The following DDC variants were observed in gnomAD, a reference collection of about 807,000 sequenced individuals.
DDC encodes the protein dopa decarboxylase, also known as aromatic-L-amino-acid decarboxylase.
DDC carries 43 observed loss-of-function variants against 60.0 expected under a neutral mutation model. The observed-to-expected ratio is 0.72, with a 90% confidence interval of 0.56 to 0.92. The LOEUF is 0.92. Ranked by LOEUF, DDC falls within the 40% of genes least tolerant of loss-of-function variation. The pLI is 0.00. For synonymous variants in DDC, 232 were observed against 234.6 expected (o/e 0.99, Z 0.10); for missense variants, 573 against 620.2 (o/e 0.92, Z 0.81).
chr7:50,484,878 A>G (rs2042848887), intron 9 of DDC, among the ~76,000 whole-genome samples: 1 of 152,218 alleles, frequency 6.6e-6, no homozygotes, highest in South Asian at 2.1e-4. Context: ...ATGAGCACTC[A>G]CATGACCTCC....
chr7:50,560,340 T>C (rs1024161198), intron 1 of DDC, among the ~76,000 whole-genome samples: 1 of 152,146 alleles, frequency 6.6e-6, no homozygotes, highest in Non-Finnish European at 1.5e-5. Context: ...GCTTGGAAAC[T>C]GAAGAAAACA....
At chr7:50,534,563 C>T (rs2044328532) in intron 4 of DDC, among the ~76,000 whole-genome samples, 1 of 151,684 alleles carries the variant, frequency 6.6e-6, no homozygotes, top group Admixed American at 6.6e-5. Context: ...TGCCACTGCA[C>T]TCCAGCCTGG....
chr7:50,556,188 C>A (rs1281078598), intron 1 of DDC, among the ~76,000 whole-genome samples: 1 of 152,156 alleles, frequency 6.6e-6, no homozygotes, highest in East Asian at 1.9e-4. Context: ...TCCCTTTGGG[C>A]TACTATAAAA....
intron 9 of DDC, among the ~76,000 whole-genome samples, chr7:50,494,053 C>T (rs1166571331): frequency 1.3e-5 from 2 of 152,192 alleles, no homozygotes. Flanking sequence ...CAATCAACTT[C>T]TTACTTTAAA....
intron 4 of DDC, among the ~76,000 whole-genome samples, chr7:50,534,512 G>A (rs951181539): frequency 1.3e-5 from 2 of 152,066 alleles, no homozygotes; most frequent in African/African-American, 4.8e-5. Context: ...GCAGGAGAAT[G>A]GCTTGAACCG....
chr7:50,498,154 G>A (rs551025059), intron 8 of DDC, among the ~76,000 whole-genome samples: 2 of 152,336 alleles, frequency 1.3e-5, no homozygotes, highest in Admixed American at 1.3e-4. Flanking sequence ...CACACCGGAT[G>A]TATTCTTATG....
At chr7:50,540,129 G>A in intron 2 of DDC, 101 bp from the exon 3 acceptor site, 2 of 840,180 alleles carry the variant, frequency 2.4e-6, no homozygotes, top group Non-Finnish European at 4.0e-6. Flanking sequence ...GCCAGATGCA[G>A]CCAGACCCAG....
intron 6 of DDC, among the ~76,000 whole-genome samples, chr7:50,509,584 T>C (rs567570497): frequency 6.6e-6 from 1 of 152,314 alleles, no homozygotes; most frequent in South Asian, 2.1e-4. Context: ...CCCAGTGGAA[T>C]CTGAATTTCA....
chr7:50,493,072 A>G, intron 9 of DDC: 2 of 1,340,150 alleles, frequency 1.5e-6, no homozygotes, highest in South Asian at 1.2e-5. Context: ...CTCCAAGATT[A>G]GGGACCCAAA....
chr7:50,556,975 T>C (rs1318803772), intron 1 of DDC, among the ~76,000 whole-genome samples: 1 of 152,154 alleles, frequency 6.6e-6, no homozygotes, highest in Non-Finnish European at 1.5e-5. Context: ...GTCTGTTTCT[T>C]TACTTATAAA....
intron 6 of DDC, among the ~76,000 whole-genome samples, chr7:50,524,353 C>T (rs1045588766): frequency 1.3e-5 from 2 of 152,162 alleles, no homozygotes; most frequent in Admixed American, 1.3e-4. Context: ...AAATGTATCA[C>T]ACTACTGCAG....
At chr7:50,554,991 G>C (rs2045132192) in intron 1 of DDC, among the ~76,000 whole-genome samples, 1 of 152,144 alleles carries the variant, frequency 6.6e-6, no homozygotes, top group Admixed American at 6.5e-5. Flanking sequence ...GGTGACCTTA[G>C]GTAACCGAGG....
At chr7:50,519,201 T>G (rs1170271833) in intron 6 of DDC, among the ~76,000 whole-genome samples, 4 of 152,162 alleles carry the variant, frequency 2.6e-5, no homozygotes. Flanking sequence ...AATACCACCT[T>G]ACTCCTGCAA....
chr7:50,468,389 C>T (rs11575511), intron 12 of DDC, among the ~76,000 whole-genome samples: 8,005 of 152,276 alleles, frequency 0.053, 487 homozygotes, highest in African/African-American at 0.15. Flanking sequence ...AGCTTAAAGA[C>T]GTCATCATTG....
At chr7:50,550,316 T>C (rs1416936318) in intron 1 of DDC, among the ~76,000 whole-genome samples, 1 of 152,228 alleles carries the variant, frequency 6.6e-6, no homozygotes, top group Non-Finnish European at 1.5e-5. Flanking sequence ...TAAATTAAGG[T>C]ATATACTTTT....
chr7:50,461,787 G>C (rs1182686722), intron 14 of DDC, among the ~76,000 whole-genome samples: 1 of 152,184 alleles, frequency 6.6e-6, no homozygotes, highest in Non-Finnish European at 1.5e-5. Context: ...ACCTTCCAGA[G>C]ATGCTTGAGA....
At chr7:50,551,777 G>T (rs1585283506) in intron 1 of DDC, among the ~76,000 whole-genome samples, 1 of 152,242 alleles carries the variant, frequency 6.6e-6, no homozygotes, top group Non-Finnish European at 1.5e-5. Context: ...TGACCTATGA[G>T]AATGTCAATT....
chr7:50,540,870 C>T (rs1312634861), intron 2 of DDC, among the ~76,000 whole-genome samples: 2 of 152,168 alleles, frequency 1.3e-5, no homozygotes, highest in Admixed American at 1.3e-4. Flanking sequence ...GTGGTGGACA[C>T]CCAGGCAGGG....
At chr7:50,555,042 TC>T (rs1445401497) in intron 1 of DDC, among the ~76,000 whole-genome samples, 1 of 152,064 alleles carries the variant, frequency 6.6e-6, no homozygotes, top group Admixed American at 6.5e-5. Flanking sequence ...TGCACTCCCA[TC>T]CCTCGGATGG....
Sources: gnomAD v4.1 joint callset for allele counts (sites outside exome capture counted in the v4.1 genomes callset) on GRCh38, gnomAD v4.1.1 for gene constraint, MANE v1.5 for transcripts, NCBI Gene and HGNC (gene_info 2026-07-23, HGNC 2026-07-21) for gene names.